SNCAIP: variants seen among roughly 807,000 people sequenced by gnomAD.
SNCAIP encodes the protein synphilin-1.
In SNCAIP, 43 loss-of-function variants were observed where a neutral mutation model predicts 86.7. That is an observed-to-expected ratio of 0.50 (90% confidence interval 0.39 to 0.64). SNCAIP has a LOEUF of 0.64. Among genes scored for constraint, SNCAIP ranks in the 30% least tolerant of loss-of-function variants. The probability of loss-of-function intolerance (pLI) is 0.00; values close to 1 mark genes in which losing one functional copy is unlikely to be tolerated. For synonymous variants in SNCAIP, 417 were observed against 427.2 expected (o/e 0.98, Z 0.29); for missense variants, 981 against 1,103.1 (o/e 0.89, Z 1.57).
intron 1 of SNCAIP, chr5:122,323,335 C>A (rs907526615): frequency 1.3e-5 from 2 of 152,182 alleles, no homozygotes; most frequent in African/African-American, 4.8e-5. Flanking sequence ...AACGTGGTTA[C>A]AAATCTTGGG....
intron 5 of SNCAIP, among the ~76,000 whole-genome samples, chr5:122,426,820 C>T (rs192465499): frequency 6.6e-5 from 10 of 152,184 alleles, no homozygotes; most frequent in East Asian, 1.9e-4. Flanking sequence ...AATGTAAAGT[C>T]GAGATTTAAT....
chr5:122,356,367 C>T (rs2152755040), intron 1 of SNCAIP, among the ~76,000 whole-genome samples: 1 of 152,162 alleles, frequency 6.6e-6, no homozygotes, highest in East Asian at 1.9e-4. Context: ...GTCCTTCTGC[C>T]CTGGCCTCCC....
At chr5:122,341,986 A>G (rs1757689577) in intron 1 of SNCAIP, among the ~76,000 whole-genome samples, 1 of 152,196 alleles carries the variant, frequency 6.6e-6, no homozygotes, top group South Asian at 2.1e-4. Context: ...TTTATATAAA[A>G]TATGCTTGCT....
intron 1 of SNCAIP, among the ~76,000 whole-genome samples, chr5:122,359,752 A>G (rs908746822): frequency 6.6e-6 from 1 of 152,198 alleles, no homozygotes; most frequent in African/African-American, 2.4e-5. Context: ...GAACAGTTTT[A>G]TTTAATAATA....
intron 1 of SNCAIP, among the ~76,000 whole-genome samples, chr5:122,333,616 C>A (rs968156707): frequency 2.0e-5 from 3 of 152,216 alleles, no homozygotes; most frequent in South Asian, 4.1e-4. Flanking sequence ...TGGTCTCTTT[C>A]AAATTCAAGT....
chr5:122,367,664 A>G lies in SNCAIP; in HGVS notation c.-46-23425A>G, dbSNP rs373838611. Reference sequence around the variant, plus strand: ...GGAACTGCACTTATGCTGCAAAGACAGTGCATTCAGAATTCCAGTCTTGGC... The same window carrying G: ...GGAACTGCACTTATGCTGCAAAGACGGTGCATTCAGAATTCCAGTCTTGGC... On this transcript the variant is annotated intron_variant, in intron 1 of 10. Coordinates refer to ENST00000261368, the MANE Select transcript of SNCAIP (RefSeq NM_005460.4). 1.7e-4 allele frequency among the ~76,000 whole-genome samples: 26 copies of G among 152,250 alleles called. No individual in the cohort carries two copies. The East Asian group carries it at 4.6e-3, about 27-fold the overall frequency.
At chr5:122,358,853 C>T (rs533004702) in intron 1 of SNCAIP, among the ~76,000 whole-genome samples, 8 of 152,198 alleles carry the variant, frequency 5.3e-5, no homozygotes, top group African/African-American at 1.9e-4. Flanking sequence ...AGAGCTAATA[C>T]CCTTATAAAT....
chr5:122,436,080 A>C (rs1011786764), intron 6 of SNCAIP, among the ~76,000 whole-genome samples: 3 of 152,168 alleles, frequency 2.0e-5, no homozygotes, highest in African/African-American at 7.2e-5. Context: ...GCAATTGTGG[A>C]TATCCATACT....
At chr5:122,389,140 C>G (rs1768818780) in intron 1 of SNCAIP, 1 of 152,182 alleles carries the variant, frequency 6.6e-6, no homozygotes, top group Non-Finnish European at 1.5e-5. Flanking sequence ...GTTGGAGCAC[C>G]TCAAACAGGG....
chr5:122,322,588 CTG>C (rs937918415), intron 1 of SNCAIP, among the ~76,000 whole-genome samples: 1 of 152,122 alleles, frequency 6.6e-6, no homozygotes, highest in Non-Finnish European at 1.5e-5. Flanking sequence ...GTTTTTGTTT[CTG>C]AGTGCATACA....
chr5:122,380,242 T>C (rs1037017245), intron 1 of SNCAIP, among the ~76,000 whole-genome samples: 1 of 152,236 alleles, frequency 6.6e-6, no homozygotes, highest in African/African-American at 2.4e-5. Context: ...TATTCAGAGA[T>C]TCAACTTCTT....
chr5:122,371,881 G>A (rs929210375), intron 1 of SNCAIP: 1 of 152,102 alleles, frequency 6.6e-6, no homozygotes, highest in African/African-American at 2.4e-5. Context: ...ATAATACGCA[G>A]CATTATTATT....
intron 7 of SNCAIP, chr5:122,441,291 T>C (rs1432946756): frequency 6.4e-6 from 1 of 156,812 alleles, no homozygotes; most frequent in Non-Finnish European, 1.4e-5. Flanking sequence ...CCAGAATTGG[T>C]TGGGAGTAGA....
chr5:122,365,726 A>G (rs1763046468), intron 1 of SNCAIP, among the ~76,000 whole-genome samples: 1 of 152,160 alleles, frequency 6.6e-6, no homozygotes, highest in Admixed American at 6.5e-5. Flanking sequence ...TCATGGTTTT[A>G]TTCATTAATA....
chr5:122,446,541 T>G (rs1389281926), intron 8 of SNCAIP, among the ~76,000 whole-genome samples: 1 of 152,230 alleles, frequency 6.6e-6, no homozygotes, highest in African/African-American at 2.4e-5. Context: ...TATGTACTAG[T>G]AGACTGCAGT....
intron 1 of SNCAIP, among the ~76,000 whole-genome samples, chr5:122,383,146 G>A (rs1187627965): frequency 6.6e-6 from 1 of 152,174 alleles, no homozygotes; most frequent in Non-Finnish European, 1.5e-5. Flanking sequence ...CAGCCTCGCT[G>A]CAGCCTTGCA....
Position 122,355,612 on chromosome 5 carries a change from T to C in SNCAIP, c.-46-35477T>C, listed in dbSNP as rs1760838062. Among the ~76,000 whole-genome samples, 2 of 152,180 alleles carry C rather than the reference T, an allele frequency of 1.3e-5. 1 individual carries two copies. The highest frequency in any genetic ancestry group is 4.1e-4 in the South Asian group (2 of 4,836). On this transcript the variant is annotated intron_variant, in intron 1 of 10. Transcript: ENST00000261368. ...TAAGGCCATATTGTAGGAAAAAGTA[T>C]GTTTCTTTAACACCAGAAAAGTACC...
intron 10 of SNCAIP, among the ~76,000 whole-genome samples, chr5:122,452,050 C>G (rs932157254): frequency 1.3e-5 from 2 of 152,190 alleles, no homozygotes; most frequent in African/African-American, 4.8e-5. Context: ...AATAGATGCT[C>G]TATTGCCAAA....
At chr5:122,359,744 A>G (rs1761841336) in intron 1 of SNCAIP, among the ~76,000 whole-genome samples, 1 of 152,216 alleles carries the variant, frequency 6.6e-6, no homozygotes, top group Non-Finnish European at 1.5e-5. Flanking sequence ...GAATTAGTGA[A>G]CAGTTTTATT....
Sources: allele counts gnomAD v4.1 joint callset (sites outside exome capture counted in the v4.1 genomes callset), GRCh38; gene constraint gnomAD v4.1.1; transcripts MANE v1.5; gene names NCBI Gene and HGNC (gene_info 2026-07-23, HGNC 2026-07-21).